FABP12: variants seen among roughly 807,000 people sequenced by gnomAD.
FABP12 encodes fatty acid binding protein 12.
FABP12 carries 19 observed loss-of-function variants against 13.7 expected under a neutral mutation model. That is an observed-to-expected ratio of 1.39 (90% CI 0.97 to 2.04). The LOEUF is 2.04. FABP12 is among the 30% of genes most tolerant of loss of function. The probability of loss-of-function intolerance (pLI) is 0.00; values close to 1 mark genes in which losing one functional copy is unlikely to be tolerated. For missense variants in FABP12, 182 were observed against 164.2 expected (o/e 1.11, Z -0.59); for synonymous variants, 61 against 57.0 (o/e 1.07, Z -0.32).
intron 1 of FABP12, among the ~76,000 whole-genome samples, chr8:81,554,935 T>C (rs879701190): frequency 2.0e-5 from 3 of 152,166 alleles, no homozygotes; most frequent in Non-Finnish European, 4.4e-5. Context: ...AAGCTTGATC[T>C]AAGATAAAGT....
chr8:81,574,384 T>C (rs1809993587), intron 1 of FABP12, among the ~76,000 whole-genome samples: 1 of 152,148 alleles, frequency 6.6e-6, no homozygotes, highest in Non-Finnish European at 1.5e-5. Flanking sequence ...TTAGTATCTA[T>C]GTTTATCAAG....
intron 1 of FABP12, among the ~76,000 whole-genome samples, chr8:81,560,705 A>G (rs1011555445): frequency 6.6e-6 from 1 of 152,228 alleles, no homozygotes; most frequent in African/African-American, 2.4e-5. Context: ...TAGTCTCCTC[A>G]GCAACAAATA....
At chr8:81,587,949 A>G (rs1325383534) in intron 1 of FABP12, among the ~76,000 whole-genome samples, 1 of 152,192 alleles carries the variant, frequency 6.6e-6, no homozygotes, top group African/African-American at 2.4e-5. Context: ...CAAAGGTCCA[A>G]GAGTCCAAGA....
At chr8:81,530,158 C>T (rs1447355803) in intron 2 of FABP12, among the ~76,000 whole-genome samples, 1 of 152,068 alleles carries the variant, frequency 6.6e-6, no homozygotes. Context: ...TTGAGAACAT[C>T]ACAATGTTGT....
chr8:81,536,429 A>G (rs1047251119), upstream of FABP12, among the ~76,000 whole-genome samples: 4 of 152,214 alleles, frequency 2.6e-5, no homozygotes, highest in African/African-American at 9.7e-5. Context: ...GTCATATTAA[A>G]CTTGAGTTAT....
intron 1 of FABP12, among the ~76,000 whole-genome samples, chr8:81,540,323 T>A (rs1198585468): frequency 3.3e-5 from 5 of 152,020 alleles, no homozygotes; most frequent in African/African-American, 1.2e-4. Flanking sequence ...AAGAACAGAG[T>A]GTGAAAAGGG....
At chr8:81,563,129 G>T (rs1809752970) in intron 1 of FABP12, among the ~76,000 whole-genome samples, 1 of 152,194 alleles carries the variant, frequency 6.6e-6, no homozygotes, top group African/African-American at 2.4e-5. Context: ...ACCAGTCTCT[G>T]CCTGTTAATC....
At chr8:81,577,617 T>G (rs998125245) in intron 1 of FABP12, among the ~76,000 whole-genome samples, 1 of 151,972 alleles carries the variant, frequency 6.6e-6, no homozygotes, top group Non-Finnish European at 1.5e-5. Context: ...AAAAATTAGC[T>G]GGGCATGGTG....
intron 1 of FABP12, among the ~76,000 whole-genome samples, chr8:81,581,412 T>TG (rs368155145): frequency 1.6e-3 from 248 of 152,292 alleles, no homozygotes; most frequent in African/African-American, 5.5e-3. Flanking sequence ...CTTAGCATCC[T>TG]GGGGGGATAA....
intron 1 of FABP12, among the ~76,000 whole-genome samples, chr8:81,585,769 T>G (rs915376111): frequency 6.6e-6 from 1 of 152,182 alleles, no homozygotes. Flanking sequence ...GTTTTATTGG[T>G]TTTTTTAAAT....
chr8:81,576,532 C>T (rs1196865266), intron 1 of FABP12, among the ~76,000 whole-genome samples: 1 of 151,986 alleles, frequency 6.6e-6, no homozygotes, highest in Non-Finnish European at 1.5e-5. Context: ...CACACACACA[C>T]ACATTATACT....
intron 1 of FABP12, chr8:81,532,925 T>G (rs1809115379): frequency 6.6e-6 from 1 of 152,258 alleles, no homozygotes. Context: ...TTAATAGGCA[T>G]GAGGCTGAAG....
chr8:81,529,414 CT>C (rs780841067), intron 3 of FABP12, 23 bp downstream of exon 3: 1 of 1,610,894 alleles, frequency 6.2e-7, no homozygotes, highest in Admixed American at 1.7e-5. Flanking sequence ...TGAAATGTGT[CT>C]GAAAGACTGT....
intron 1 of FABP12, among the ~76,000 whole-genome samples, chr8:81,545,010 C>T (rs1809412545): frequency 6.6e-6 from 1 of 152,162 alleles, no homozygotes; most frequent in African/African-American, 2.4e-5. Flanking sequence ...GTTTAGGAGA[C>T]TGAGAGGTTG....
intron 1 of FABP12, among the ~76,000 whole-genome samples, chr8:81,572,320 T>C (rs928550827): frequency 6.6e-6 from 1 of 152,220 alleles, no homozygotes; most frequent in African/African-American, 2.4e-5. Flanking sequence ...TATTCCATCA[T>C]ATAAATATGC....
At chr8:81,538,843 A>C (rs1464085063), upstream of FABP12, among the ~76,000 whole-genome samples, 1 of 152,042 alleles carries the variant, frequency 6.6e-6, no homozygotes, top group Non-Finnish European at 1.5e-5. Flanking sequence ...AATTTTTATT[A>C]CTTTTTAATT....
intron 1 of FABP12, among the ~76,000 whole-genome samples, chr8:81,544,981 C>A (rs1722476244): frequency 6.6e-6 from 1 of 152,210 alleles, no homozygotes; most frequent in Non-Finnish European, 1.5e-5. Context: ...GCGTAGAGGC[C>A]AGGAAGTACT....
At chr8:81,540,581 G>A (rs1809319577) in intron 1 of FABP12, among the ~76,000 whole-genome samples, 3 of 152,236 alleles carry the variant, frequency 2.0e-5, no homozygotes, top group African/African-American at 7.2e-5. Context: ...TGAATCACAA[G>A]GAAAACCTGG....
At chr8:81,583,160 T>G (rs1042592766) in intron 1 of FABP12, among the ~76,000 whole-genome samples, 7 of 151,906 alleles carry the variant, frequency 4.6e-5, no homozygotes, top group Admixed American at 2.0e-4. Context: ...CAAATGAAAA[T>G]CAGCACACAA....
Sources: allele counts gnomAD v4.1 joint callset (sites outside exome capture counted in the v4.1 genomes callset), GRCh38; gene constraint gnomAD v4.1.1; transcripts MANE v1.5; gene names NCBI Gene and HGNC (gene_info 2026-07-23, HGNC 2026-07-21).